Variants in TMEM132B observed in about 807,000 individuals in gnomAD.
TMEM132B encodes the protein transmembrane protein 132B.
Under a neutral mutation model 90.8 loss-of-function variants are expected in TMEM132B, and 18 were observed. The ratio of observed to expected loss-of-function variants is 0.20; its 90% CI spans 0.14 to 0.29. The LOEUF (loss-of-function observed/expected upper bound fraction) is 0.29, where lower values mean the gene tolerates loss of function less well. Ranked by LOEUF, TMEM132B falls within the 10% of genes least tolerant of loss-of-function variation. TMEM132B has a pLI of 1.00. For missense variants in TMEM132B, 1,096 were observed against 1,326.8 expected (o/e 0.83, Z 2.70); for synonymous variants, 504 against 523.3 (o/e 0.96, Z 0.50).
chr12:125,558,345 T>G (rs1289149956), intron 4 of TMEM132B, among the ~76,000 whole-genome samples: 1 of 152,194 alleles, frequency 6.6e-6, no homozygotes, highest in African/African-American at 2.4e-5. Context: ...TTAGGTGAAC[T>G]CTGTAAAGTT....
intron 1 of TMEM132B, among the ~76,000 whole-genome samples, chr12:125,330,725 A>G (rs1479655902): frequency 6.6e-6 from 1 of 152,180 alleles, no homozygotes; most frequent in East Asian, 1.9e-4. Context: ...ATTCACAGGC[A>G]AATTAAAATT....
At position 125,209,014 on chromosome 12, in the gene TMEM132B, A is replaced by T. The variant is rs1030429225; in HGVS notation, c.67+22148A>T. 1.3e-5 allele frequency among the ~76,000 whole-genome samples: 2 copies of T among 152,076 alleles called. No individual in the cohort carries two copies. The highest frequency in any genetic ancestry group is 2.9e-5 in the Non-Finnish European group (2 of 68,004). The stretch of plus-strand genomic sequence containing the variant: ...CCCCTCTGAGTGCTGCGGCCACTCG[A>T]ATGTCAACTGAGCCCGGGGTTATTG... On this transcript the variant is annotated intron_variant, in intron 1 of 8. Transcript: ENST00000682704. This position sits in a 1 kb window ranked among gnomAD's most constrained non-coding sequence, Gnocchi z 4.4.
chr12:125,594,299 A>G (rs778908280), intron 5 of TMEM132B, among the ~76,000 whole-genome samples: 6 of 152,162 alleles, frequency 3.9e-5, no homozygotes, highest in Admixed American at 6.5e-5. Context: ...TTATCAATCT[A>G]TTGATGGACA....
intron 2 of TMEM132B, among the ~76,000 whole-genome samples, chr12:125,376,034 C>T (rs1021485320): frequency 5.9e-5 from 9 of 152,178 alleles, no homozygotes; most frequent in African/African-American, 2.2e-4. Flanking sequence ...GTGGTTCCTG[C>T]TGCATCCTCT....
At chr12:125,218,796 A>G (rs980758963) in intron 1 of TMEM132B, among the ~76,000 whole-genome samples, 1 of 56,848 alleles carries the variant, frequency 1.8e-5, no homozygotes. Context: ...TTTTTATTGG[A>G]ATTACCCAGC....
At chr12:125,194,612 T>C (rs1010191670) in intron 1 of TMEM132B, among the ~76,000 whole-genome samples, 3 of 152,060 alleles carry the variant, frequency 2.0e-5, no homozygotes, top group Non-Finnish European at 4.4e-5. Flanking sequence ...TTTATGTCTT[T>C]GGCTTGGTAT....
At chr12:125,242,873 A>G (rs966249387) in intron 1 of TMEM132B, among the ~76,000 whole-genome samples, 3 of 152,042 alleles carry the variant, frequency 2.0e-5, no homozygotes, top group Non-Finnish European at 4.4e-5. Context: ...ATTTACCATT[A>G]GTGCCGACTG....
chr12:125,294,730 G>A (rs544574523), intron 1 of TMEM132B, among the ~76,000 whole-genome samples: 1 of 152,320 alleles, frequency 6.6e-6, no homozygotes, highest in East Asian at 1.9e-4. Context: ...TGCTGACTCC[G>A]AAGTCCTGCT....
chr12:125,405,839 G>C (rs71460706), intron 2 of TMEM132B, among the ~76,000 whole-genome samples: 2 of 152,220 alleles, frequency 1.3e-5, no homozygotes, highest in African/African-American at 4.8e-5. Context: ...GTCTGGCTCA[G>C]GGGAGTGGCC....
chr12:125,636,673 T>C (rs1030216079), intron 5 of TMEM132B, among the ~76,000 whole-genome samples: 2 of 152,232 alleles, frequency 1.3e-5, no homozygotes, highest in African/African-American at 4.8e-5. Context: ...AGTATCCTGA[T>C]TGACAGTTTT....
At chr12:125,543,984 T>G (rs1031194139) in intron 4 of TMEM132B, among the ~76,000 whole-genome samples, 1 of 152,130 alleles carries the variant, frequency 6.6e-6, no homozygotes, top group African/African-American at 2.4e-5. Context: ...TTAAAAAAAC[T>G]GTGTACATAT....
chr12:125,407,701 G>A lies in TMEM132B; in HGVS notation c.960-7830G>A, dbSNP rs150323837. 1.8e-3 allele frequency among the ~76,000 whole-genome samples: 272 copies of A among 152,192 alleles called. 2 individuals carry two copies. In the East Asian group the frequency reaches 0.019, roughly 10 times the overall value. On this transcript the variant is annotated intron_variant, in intron 2 of 8. Transcript: ENST00000682704. The surrounding 1 kb of genome is among the most constrained non-coding windows in gnomAD (Gnocchi z 6.7). ...GGCCAAAGCTCAGGTCACTCTTGTC[G>A]CTCAGAACCAAAGGGACCGCGGACA...
chr12:125,572,376 G>A (rs1023218040), intron 4 of TMEM132B, among the ~76,000 whole-genome samples: 9 of 152,218 alleles, frequency 5.9e-5, no homozygotes, highest in African/African-American at 2.2e-4. Context: ...TGACCAAGAA[G>A]TTCATTCCTT....
chr12:125,297,363 C>T (rs1055595259), intron 1 of TMEM132B, among the ~76,000 whole-genome samples: 2 of 152,208 alleles, frequency 1.3e-5, no homozygotes, highest in African/African-American at 4.8e-5. Context: ...TTGTTATTGG[C>T]CCACTGTCAC....
At chr12:125,282,620 G>A (rs1166572207) in intron 1 of TMEM132B, among the ~76,000 whole-genome samples, 1 of 152,186 alleles carries the variant, frequency 6.6e-6, no homozygotes, top group African/African-American at 2.4e-5. Context: ...GGGGACAAAG[G>A]GAATATGATT....
At chr12:125,514,553 C>G (rs927545997) in intron 3 of TMEM132B, among the ~76,000 whole-genome samples, 2 of 152,208 alleles carry the variant, frequency 1.3e-5, no homozygotes, top group African/African-American at 4.8e-5. Flanking sequence ...AGACCAGAGA[C>G]AGCTTCTCTT....
At chr12:125,496,970 C>T (rs1054257569) in intron 3 of TMEM132B, among the ~76,000 whole-genome samples, 4 of 152,218 alleles carry the variant, frequency 2.6e-5, no homozygotes, top group Admixed American at 2.6e-4. Flanking sequence ...TTAAACCATG[C>T]ATTTAGGCAG....
intron 1 of TMEM132B, among the ~76,000 whole-genome samples, chr12:125,302,085 A>G (rs1024652458): frequency 2.0e-5 from 3 of 152,062 alleles, no homozygotes; most frequent in Admixed American, 2.0e-4. Context: ...CTGTAATCCC[A>G]GCTACTCAGG....
At chr12:125,604,118 A>G (rs1433715452) in intron 5 of TMEM132B, among the ~76,000 whole-genome samples, 2 of 152,234 alleles carry the variant, frequency 1.3e-5, no homozygotes, top group Admixed American at 6.5e-5. Flanking sequence ...AGGAATGTAA[A>G]TCATTCTACT....
Sources: gnomAD v4.1 joint callset for allele counts (sites outside exome capture counted in the v4.1 genomes callset) on GRCh38, gnomAD v4.1.1 for gene constraint, Gnocchi (gnomAD v3.1) non-coding constraint, MANE v1.5 for transcripts, NCBI Gene and HGNC (gene_info 2026-07-23, HGNC 2026-07-21) for gene names.